Variants in GPR15LG observed in about 807,000 individuals in gnomAD.
The protein encoded by GPR15LG is protein GPR15LG.
At chr10:84,184,557 A>T in the GPR15LG span, 637,948 of 922,002 alleles carry the variant, frequency 0.69, 223,360 homozygotes, top group African/African-American at 0.93. Context: ...TTGCTTTGAA[A>T]TTTTTTTTTA....
chr10:84,180,677 G>A, the GPR15LG span, among the ~76,000 whole-genome samples: 1 of 152,206 alleles, frequency 6.6e-6, no homozygotes, highest in Non-Finnish European at 1.5e-5. Context: ...TCACTTCCTA[G>A]ACGGGGTGGC....
chr10:84,182,205 C>T, the GPR15LG span, among the ~76,000 whole-genome samples: 1 of 152,216 alleles, frequency 6.6e-6, no homozygotes, highest in Non-Finnish European at 1.5e-5. Context: ...GACATGAGGG[C>T]CCAGAAAATA....
chr10:84,176,511 C>A, the GPR15LG span: 1 of 1,614,012 alleles, frequency 6.2e-7, no homozygotes, highest in Non-Finnish European at 8.5e-7. Flanking sequence ...CCTGGTCAGG[C>A]AGGAGAACCA....
the GPR15LG span, among the ~76,000 whole-genome samples, chr10:84,179,976 G>C: frequency 6.6e-6 from 1 of 151,824 alleles, no homozygotes; most frequent in Non-Finnish European, 1.5e-5. Flanking sequence ...AAGGTCAGCA[G>C]ATAAACATGT....
chr10:84,183,228 T>C, the GPR15LG span, among the ~76,000 whole-genome samples: 195 of 152,342 alleles, frequency 1.3e-3, no homozygotes, highest in Middle Eastern at 3.4e-3. Context: ...CTATTCTCAC[T>C]TCTACAAATG....
the GPR15LG span, among the ~76,000 whole-genome samples, chr10:84,176,078 G>C: frequency 6.6e-6 from 1 of 151,024 alleles, no homozygotes; most frequent in Admixed American, 6.6e-5. Flanking sequence ...AGTAGAGATG[G>C]GGTTTCTCCA....
At chr10:84,175,067 A>T in the GPR15LG span, among the ~76,000 whole-genome samples, 12 of 152,198 alleles carry the variant, frequency 7.9e-5, no homozygotes, top group Middle Eastern at 3.2e-3. Context: ...TTTTTTATTT[A>T]TCACTATATA....
the GPR15LG span, among the ~76,000 whole-genome samples, chr10:84,174,573 A>T: frequency 7.0e-6 from 1 of 143,856 alleles, no homozygotes; most frequent in African/African-American, 2.6e-5. Flanking sequence ...AGCTCACTGC[A>T]ATCTCCGCCT....
At chr10:84,182,295 G>T in the GPR15LG span, among the ~76,000 whole-genome samples, 1 of 152,218 alleles carries the variant, frequency 6.6e-6, no homozygotes, top group East Asian at 1.9e-4. Context: ...CAGACCCATG[G>T]TCTTGCTCCT....
the GPR15LG span, among the ~76,000 whole-genome samples, chr10:84,177,617 C>T: frequency 2.0e-5 from 3 of 152,206 alleles, no homozygotes; most frequent in African/African-American, 4.8e-5. Context: ...TGACTCCAGC[C>T]GCAGACCTTC....
At chr10:84,179,587 C>T in the GPR15LG span, among the ~76,000 whole-genome samples, 1 of 152,170 alleles carries the variant, frequency 6.6e-6, no homozygotes, top group South Asian at 2.1e-4. Context: ...ATGACAAAGC[C>T]CGTGCATCTG....
the GPR15LG span, among the ~76,000 whole-genome samples, chr10:84,180,107 A>G: frequency 2.0e-5 from 3 of 152,224 alleles, no homozygotes; most frequent in African/African-American, 7.2e-5. Flanking sequence ...GCCTTCAAGC[A>G]TCTGTTTAAC....
At chr10:84,184,159 G>GAA in the GPR15LG span, among the ~76,000 whole-genome samples, 10 of 138,608 alleles carry the variant, frequency 7.2e-5, no homozygotes, top group Non-Finnish European at 9.5e-5. Flanking sequence ...CATCTTTCTT[G>GAA]AAAAAAAAAA....
At chr10:84,182,130 G>A in the GPR15LG span, among the ~76,000 whole-genome samples, 11 of 152,176 alleles carry the variant, frequency 7.2e-5, no homozygotes, top group African/African-American at 2.4e-4. Flanking sequence ...GAAGGAGCTC[G>A]GACTGCATGA....
the GPR15LG span, among the ~76,000 whole-genome samples, chr10:84,174,862 A>C: frequency 1.3e-5 from 2 of 151,982 alleles, no homozygotes; most frequent in Non-Finnish European, 2.9e-5. Context: ...AACTGCCTAC[A>C]TTTATTTTTT....
the GPR15LG span, among the ~76,000 whole-genome samples, chr10:84,176,029 C>T: frequency 2.0e-5 from 3 of 152,070 alleles, no homozygotes; most frequent in East Asian, 5.8e-4. Flanking sequence ...GCTGGGATTA[C>T]AGGCATGCAC....
chr10:84,177,916 G>A, the GPR15LG span, among the ~76,000 whole-genome samples: 2 of 152,134 alleles, frequency 1.3e-5, no homozygotes, highest in Non-Finnish European at 2.9e-5. Flanking sequence ...TTGAGGGGGT[G>A]TGTGAGCCCC....
the GPR15LG span, chr10:84,176,674 C>G: frequency 1.3e-6 from 1 of 750,538 alleles, no homozygotes; most frequent in Non-Finnish European, 2.2e-6. Context: ...GCATCAGGCT[C>G]TGGCTGGGAG....
At chr10:84,180,612 C>T in the GPR15LG span, among the ~76,000 whole-genome samples, 19 of 151,670 alleles carry the variant, frequency 1.3e-4, no homozygotes, top group East Asian at 1.2e-3. Context: ...ACTGGGCAGC[C>T]GGGCAGAGGG....
Sources: allele counts gnomAD v4.1 joint callset (sites outside exome capture counted in the v4.1 genomes callset), GRCh38; gene constraint gnomAD v4.1.1; transcripts MANE v1.5; gene names NCBI Gene and HGNC (gene_info 2026-07-23, HGNC 2026-07-21).